Variants in MYO18B observed in about 807,000 individuals in gnomAD.
The protein encoded by MYO18B is unconventional myosin-XVIIIb.
MYO18B carries 204 observed loss-of-function variants against 273.0 expected under a neutral mutation model. That is an observed-to-expected ratio of 0.75 (90% confidence interval 0.67 to 0.84). The LOEUF (loss-of-function observed/expected upper bound fraction) is 0.84, where lower values mean the gene tolerates loss of function less well. Ranked by LOEUF, MYO18B falls within the 40% of genes least tolerant of loss-of-function variation. MYO18B has a pLI of 0.00. For missense variants in MYO18B, 3,212 were observed against 3,287.6 expected (o/e 0.98, Z 0.56); for synonymous variants, 1,330 against 1,305.7 (o/e 1.02, Z -0.40).
At chr22:25,826,322 T>C (rs895453063) in intron 13 of MYO18B, 87 bp from the exon 14 acceptor site, 3 of 909,400 alleles carry the variant, frequency 3.3e-6, no homozygotes, top group Non-Finnish European at 3.4e-6. Context: ...ATTTTCTAAA[T>C]TGAGTGGTCC....
chr22:25,984,375 C>T (rs1186121561), intron 39 of MYO18B, among the ~76,000 whole-genome samples: 3 of 152,190 alleles, frequency 2.0e-5, no homozygotes, highest in Admixed American at 6.5e-5. Context: ...TTCAGCTTCA[C>T]TCGGATCCAC....
At chr22:25,863,253 TC>T (rs2090792130) in intron 21 of MYO18B, among the ~76,000 whole-genome samples, 1 of 152,224 alleles carries the variant, frequency 6.6e-6, no homozygotes, top group African/African-American at 2.4e-5. Flanking sequence ...AAGCATTGTT[TC>T]TTTTAGTTCT....
rs2145580764 is a variant in MYO18B at position 25,768,302 on chromosome 22, A to G, written c.386A>G (p.Gln129Arg). Residue 129 changes from glutamine (Q) to arginine (R), a missense_variant, in exon 4 of 44, where the codon CAG (glutamine) becomes CGG (arginine). Transcript: ENST00000335473. ...ACAAGCATCAATGGTGAGAAGGCCC[A>G]GGAGCTGGGCTCCAGTGCGACACCA... is the stretch of plus-strand genomic sequence containing the variant. Reference protein sequence around the residue: ...QMTSINGEKAQELGSSATPTK... With the variant: ...QMTSINGEKARELGSSATPTK... 2.5e-6 allele frequency: 4 copies of G among 1,613,900 alleles called. No individual in the cohort carries two copies. Among genetic ancestry groups the G allele is most frequent in the Non-Finnish European group, 3.4e-6 (4 of 1,179,828 alleles).
the MYO18B span, among the ~76,000 whole-genome samples, chr22:26,060,553 A>G: frequency 6.6e-6 from 1 of 152,194 alleles, no homozygotes; most frequent in Non-Finnish European, 1.5e-5. Context: ...ACAGTAGACT[A>G]AAGAGGGAGA....
chr22:25,769,989 T>C (rs564345845), intron 4 of MYO18B, 121 bp from the exon 5 acceptor site: 2 of 1,008,080 alleles, frequency 2.0e-6, no homozygotes, highest in Admixed American at 1.9e-5. Context: ...CCTCTCCTGT[T>C]CTCCCCCAGG....
intron 20 of MYO18B, 75 bp downstream of exon 20, chr22:25,847,727 A>T: frequency 8.7e-7 from 1 of 1,150,212 alleles, no homozygotes. Flanking sequence ...CAGCCAAGGG[A>T]TGGGAGCCCC....
rs571193833 is a variant in MYO18B at position 25,745,451 on chromosome 22, A to C, written c.-110+3158A>C. On this transcript the variant is annotated intron_variant, in intron 1 of 43. Transcript: ENST00000335473. ...GACACAAACAAGGGCCTTGGACATCAAGGTAGATTTCTCTCTCTCTGACAC... is the reference window on the plus strand; with the variant it reads ...GACACAAACAAGGGCCTTGGACATCCAGGTAGATTTCTCTCTCTCTGACAC... 4.1e-5 allele frequency among the ~76,000 whole-genome samples: 6 copies of C among 147,156 alleles called. No individual in the cohort carries two copies. The South Asian group carries it at 1.4e-3, about 33-fold the overall frequency.
At chr22:25,781,359 C>G (rs890563248) in intron 9 of MYO18B, among the ~76,000 whole-genome samples, 63 of 152,194 alleles carry the variant, frequency 4.1e-4, no homozygotes, top group African/African-American at 1.4e-3. Context: ...CCTGTAATCC[C>G]AGCACTTTGG....
chr22:25,862,110 G>A (rs191423101), intron 21 of MYO18B, among the ~76,000 whole-genome samples: 4 of 152,194 alleles, frequency 2.6e-5, no homozygotes, highest in Non-Finnish European at 5.9e-5. Flanking sequence ...CATTCTATTA[G>A]GTATTATAAG....
At chr22:25,945,254 G>A (rs753633575) in intron 34 of MYO18B, among the ~76,000 whole-genome samples, 30 of 152,080 alleles carry the variant, frequency 2.0e-4, no homozygotes, top group East Asian at 5.8e-4. Context: ...CCCATGGGCC[G>A]TCAAACCACC....
chr22:25,920,572 C>T (rs1187794577), intron 33 of MYO18B, among the ~76,000 whole-genome samples: 1 of 152,168 alleles, frequency 6.6e-6, no homozygotes, highest in African/African-American at 2.4e-5. Flanking sequence ...GTACTCACCT[C>T]TGGGTAAGGT....
chr22:25,983,931 C>T (rs2093174329), intron 39 of MYO18B, among the ~76,000 whole-genome samples: 1 of 152,152 alleles, frequency 6.6e-6, no homozygotes, highest in South Asian at 2.1e-4. Flanking sequence ...CTGGCTTTCC[C>T]AAAGCATTCT....
At chr22:25,781,609 C>CAAA (rs67116433) in intron 9 of MYO18B, 125 bp from the exon 10 acceptor site, 21,375 of 275,446 alleles carry the variant, frequency 0.078, 143 homozygotes, top group Middle Eastern at 0.1. Context: ...GACTCCGTCT[C>CAAA]AAAAAAAAAA....
intron 12 of MYO18B, among the ~76,000 whole-genome samples, chr22:25,819,343 TTGAGGCCAGAAACAG>T (rs1160231064): frequency 4.5e-4 from 69 of 152,312 alleles, no homozygotes; most frequent in African/African-American, 1.6e-3. Flanking sequence ...TCCCAGCTCG[TTGAGGCCAGAAACAG>T]TTGCAAGTGT....
At chr22:25,993,296 C>T (rs1932902585) in intron 40 of MYO18B, among the ~76,000 whole-genome samples, 1 of 152,132 alleles carries the variant, frequency 6.6e-6, no homozygotes, top group Non-Finnish European at 1.5e-5. Flanking sequence ...CTCTAGGAAC[C>T]ACAGCTGCCT....
At chr22:26,039,605 TTTTTTG>T in the MYO18B span, among the ~76,000 whole-genome samples, 9 of 149,836 alleles carry the variant, frequency 6.0e-5, no homozygotes, top group East Asian at 9.7e-4. Flanking sequence ...GTTTTTAGGT[TTTTTTG>T]TTTTTGTTTT....
rs113233343 is a variant in MYO18B at position 25,777,934 on chromosome 22, C to T, written c.2068+153C>T. Among the ~76,000 whole-genome samples, 641 of 152,306 alleles carry T rather than the reference C, an allele frequency of 4.2e-3. 6 individuals are homozygous for T. Among genetic ancestry groups the T allele is most frequent in the African/African-American group, 0.014 (579 of 41,560 alleles). ...TGCTTGCTACTGGGCAGGGCTATCC[C>T]TAGGTCATTGGGATGCATTTGTTGA... On this transcript the variant is annotated intron_variant, in intron 8 of 43. Transcript: ENST00000335473.
At chr22:25,984,906 A>T (rs999183524) in intron 39 of MYO18B, among the ~76,000 whole-genome samples, 11 of 152,164 alleles carry the variant, frequency 7.2e-5, no homozygotes, top group Non-Finnish European at 1.3e-4. Context: ...AGTTGAGATA[A>T]TGGATTCTAG....
At chr22:25,904,389 A>G (rs2146352196) in intron 31 of MYO18B, among the ~76,000 whole-genome samples, 1 of 152,234 alleles carries the variant, frequency 6.6e-6, no homozygotes, top group Non-Finnish European at 1.5e-5. Context: ...TCTCCACATG[A>G]ACCTTATGTA....
Sources: allele counts gnomAD v4.1 joint callset (sites outside exome capture counted in the v4.1 genomes callset), GRCh38; gene constraint gnomAD v4.1.1; transcripts MANE v1.5; gene names NCBI Gene and HGNC (gene_info 2026-07-23, HGNC 2026-07-21).